SHISA9: variants seen among roughly 807,000 people sequenced by gnomAD.
SHISA9 encodes shisa family member 9, also known as protein shisa-9.
Under a neutral mutation model 38.0 loss-of-function variants are expected in SHISA9, and 13 were observed. That is an observed-to-expected ratio of 0.34 (90% confidence interval 0.22 to 0.54). SHISA9 has a LOEUF of 0.54. SHISA9 is among the 20% of genes least tolerant of loss of function. The pLI, the probability that SHISA9 is intolerant of heterozygous loss-of-function variation, is 0.91. For missense variants in SHISA9, 538 were observed against 575.8 expected (o/e 0.93, Z 0.67); for synonymous variants, 275 against 242.0 (o/e 1.14, Z -1.27).
In SHISA9 at chr16:12,984,870, G is replaced by A. The variant is rs149636984; in HGVS notation, c.691+68055G>A. Among the ~76,000 whole-genome samples the A allele has an allele frequency of 6.1e-3, 934 of 152,252 alleles. 11 individuals are homozygous for A. The highest frequency in any genetic ancestry group is 0.021 in the African/African-American group (886 of 41,552). ...CTGTACGGCCTGAGGTGCCTAAAGGGTGCAGGCATAGAAGAGCCCAGTTCT... is the reference window on the plus strand; with the variant it reads ...CTGTACGGCCTGAGGTGCCTAAAGGATGCAGGCATAGAAGAGCCCAGTTCT... On this transcript the variant is annotated intron_variant, in intron 2 of 4. Transcript: ENST00000558583.
At chr16:13,348,556 G>C in the SHISA9 span, among the ~76,000 whole-genome samples, 1 of 151,716 alleles carries the variant, frequency 6.6e-6, no homozygotes, top group Non-Finnish European at 1.5e-5. Flanking sequence ...CCTGGTGCCT[G>C]ACTCTGTAAC....
chr16:13,285,436 A>T, the SHISA9 span, among the ~76,000 whole-genome samples: 4 of 138,258 alleles, frequency 2.9e-5, no homozygotes, highest in Admixed American at 7.2e-5. Flanking sequence ...GCAGATTTAG[A>T]TTATAAATGC....
At chr16:13,404,059 G>A in the SHISA9 span, among the ~76,000 whole-genome samples, 515 of 152,226 alleles carry the variant, frequency 3.4e-3, 5 homozygotes, top group African/African-American at 0.012. Flanking sequence ...TCGAACTCAG[G>A]CTCTGCTTAC....
At chr16:13,481,220 C>T in the SHISA9 span, among the ~76,000 whole-genome samples, 4 of 152,318 alleles carry the variant, frequency 2.6e-5, no homozygotes, top group East Asian at 7.7e-4. Flanking sequence ...GCAGTATTCT[C>T]TGTGTACTTT....
chr16:13,544,562 G>A, the SHISA9 span, among the ~76,000 whole-genome samples: 39 of 151,732 alleles, frequency 2.6e-4, no homozygotes, highest in African/African-American at 8.9e-4. Context: ...TATCCTGGCT[G>A]GGATTTCCCT....
At chr16:13,471,329 T>C in the SHISA9 span, among the ~76,000 whole-genome samples, 1 of 152,126 alleles carries the variant, frequency 6.6e-6, no homozygotes. Flanking sequence ...TTTTTAAATG[T>C]TTTAAAATGC....
At chr16:12,916,886 C>A in intron 2 of SHISA9, 71 bp downstream of exon 2, 2 of 1,501,486 alleles carry the variant, frequency 1.3e-6, no homozygotes, top group South Asian at 1.3e-5. Context: ...TGCCAGATTT[C>A]GTGGAGTGTG....
At chr16:13,438,733 A>G in the SHISA9 span, among the ~76,000 whole-genome samples, 1 of 152,226 alleles carries the variant, frequency 6.6e-6, no homozygotes, top group Non-Finnish European at 1.5e-5. Flanking sequence ...AAGAACCAGA[A>G]GTAAGCAGTG....
the SHISA9 span, among the ~76,000 whole-genome samples, chr16:13,397,932 G>T: frequency 4.6e-5 from 7 of 152,182 alleles, no homozygotes; most frequent in Non-Finnish European, 1.5e-5. Flanking sequence ...TCAGCAGAGC[G>T]GGGAGCCAGA....
At chr16:13,438,436 A>G in the SHISA9 span, among the ~76,000 whole-genome samples, 1 of 152,150 alleles carries the variant, frequency 6.6e-6, no homozygotes, top group Non-Finnish European at 1.5e-5. Context: ...ACACTCTTAC[A>G]TATCTAGTAG....
chr16:13,527,722 G>A, the SHISA9 span, among the ~76,000 whole-genome samples: 8 of 152,182 alleles, frequency 5.3e-5, no homozygotes, highest in Admixed American at 2.0e-4. Context: ...TCTTGGGCTC[G>A]GTGAGAAACC....
chr16:13,143,194 C>T (rs1198253759), intron 2 of SHISA9, among the ~76,000 whole-genome samples: 1 of 151,582 alleles, frequency 6.6e-6, no homozygotes, highest in Non-Finnish European at 1.5e-5. Context: ...ATTTTTGGTA[C>T]AGACAGGGTT....
At chr16:13,129,718 A>G (rs1275132359) in intron 2 of SHISA9, among the ~76,000 whole-genome samples, 4 of 152,206 alleles carry the variant, frequency 2.6e-5, no homozygotes, top group Non-Finnish European at 4.4e-5. Context: ...CTGCAAGAAA[A>G]GGATGCATCT....
chr16:13,204,134 T>TTTATCTATC (rs369950993), intron 3 of SHISA9, among the ~76,000 whole-genome samples: 2 of 149,342 alleles, frequency 1.3e-5, no homozygotes, highest in South Asian at 2.2e-4. Flanking sequence ...TAACTACCTA[T>TTTATCTATC]TATCTATCTA....
chr16:13,037,069 CA>C (rs2073077396), intron 2 of SHISA9, among the ~76,000 whole-genome samples: 2 of 145,546 alleles, frequency 1.4e-5, no homozygotes, highest in Non-Finnish European at 3.0e-5. Flanking sequence ...CACACACACA[CA>C]CACACACACA....
chr16:12,971,740 T>C (rs559878634), intron 2 of SHISA9, among the ~76,000 whole-genome samples: 129 of 152,244 alleles, frequency 8.5e-4, no homozygotes, highest in Admixed American at 1.4e-3. Flanking sequence ...GGATCTTTGG[T>C]GCAATTCATC....
intron 2 of SHISA9, among the ~76,000 whole-genome samples, chr16:13,125,360 G>A (rs903697837): frequency 1.3e-5 from 2 of 152,318 alleles, no homozygotes; most frequent in Admixed American, 6.5e-5. Flanking sequence ...ATGGGATGAG[G>A]TGTCCTGGGT....
chr16:13,435,616 A>AG, the SHISA9 span, among the ~76,000 whole-genome samples: 38 of 152,280 alleles, frequency 2.5e-4, no homozygotes, highest in Admixed American at 8.5e-4. Flanking sequence ...CAAAAACCTG[A>AG]GGGGAAAAAA....
intron 2 of SHISA9, among the ~76,000 whole-genome samples, chr16:13,069,102 A>C (rs980472439): frequency 6.6e-6 from 1 of 151,968 alleles, no homozygotes; most frequent in Non-Finnish European, 1.5e-5. Flanking sequence ...ATGTGTGTGT[A>C]TACATGTGTA....
Sources: allele counts gnomAD v4.1 joint callset (sites outside exome capture counted in the v4.1 genomes callset), GRCh38; gene constraint gnomAD v4.1.1; transcripts MANE v1.5; gene names NCBI Gene and HGNC (gene_info 2026-07-23, HGNC 2026-07-21).